Variants in KCNG2 observed in about 807,000 individuals in gnomAD.
KCNG2 encodes the protein potassium voltage-gated channel modifier subfamily G member 2, also known as voltage-gated potassium channel regulatory subunit KCNG2.
A neutral mutation model predicts 12.3 loss-of-function variants in KCNG2; 7 were observed. The ratio of observed to expected loss-of-function variants is 0.57; its 90% CI spans 0.32 to 1.07. KCNG2 has a LOEUF of 1.07. Among genes scored for constraint, KCNG2 ranks in the 50% least tolerant of loss-of-function variants. KCNG2 has a pLI of 0.04. For missense variants in KCNG2, 703 were observed against 726.0 expected, an observed-to-expected ratio of 0.97 and a Z score of 0.36; for synonymous variants, 414 against 351.4, an observed-to-expected ratio of 1.18 and a Z score of -1.99.
At chr18:79,872,288 T>TTTTTTTG (rs1568265471) in intron 3 of KCNG2, among the ~76,000 whole-genome samples, 6 of 70,318 alleles carry the variant, frequency 8.5e-5, no homozygotes, top group East Asian at 5.8e-4. Flanking sequence ...CAGTTTTTTT[T>TTTTTTTG]TTTTTTTTTT....
At chr18:79,861,897 C>T (rs544366773) in intron 2 of KCNG2, among the ~76,000 whole-genome samples, 1 of 152,320 alleles carries the variant, frequency 6.6e-6, no homozygotes, top group East Asian at 1.9e-4. Context: ...ATTTCTTCAG[C>T]GTGTTCATAG....
At chr18:79,806,945 C>T (rs897224745) in intron 1 of KCNG2, among the ~76,000 whole-genome samples, 2 of 152,166 alleles carry the variant, frequency 1.3e-5, no homozygotes, top group Non-Finnish European at 1.5e-5. Flanking sequence ...ACTCATGGAT[C>T]TAGGGTCTGT....
chr18:79,837,373 G>C (rs1978340012), intron 1 of KCNG2, among the ~76,000 whole-genome samples: 1 of 152,180 alleles, frequency 6.6e-6, no homozygotes, highest in South Asian at 2.1e-4. Flanking sequence ...GCTTTTCCAG[G>C]CAGATGGTGC....
At chr18:79,829,099 CGTGT>C (rs1005017816) in intron 1 of KCNG2, among the ~76,000 whole-genome samples, 2 of 97,442 alleles carry the variant, frequency 2.1e-5, no homozygotes, top group Non-Finnish European at 4.0e-5. Context: ...TCTATGTGTG[CGTGT>C]GTGTAACATG....
At chr18:79,830,782 C>A (rs564122) in intron 1 of KCNG2, among the ~76,000 whole-genome samples, 2 of 101,600 alleles carry the variant, frequency 2.0e-5, no homozygotes, top group Admixed American at 9.5e-5. Flanking sequence ...GGAGGGTTCC[C>A]TGCGGACAGA....
chr18:79,874,143 C>T (rs1270446848), intron 3 of KCNG2, among the ~76,000 whole-genome samples: 3 of 152,250 alleles, frequency 2.0e-5, no homozygotes, highest in African/African-American at 7.2e-5. Context: ...TCCCGCCTTT[C>T]CCCATCACAG....
intron 3 of KCNG2, among the ~76,000 whole-genome samples, chr18:79,889,942 G>A (rs138368462): frequency 6.6e-6 from 1 of 152,270 alleles, no homozygotes; most frequent in African/African-American, 2.4e-5. Context: ...GTTGTATTTT[G>A]TCAAAAGCTT....
At chr18:79,883,996 G>A (rs895405029) in intron 3 of KCNG2, among the ~76,000 whole-genome samples, 1 of 107,602 alleles carries the variant, frequency 9.3e-6, no homozygotes, top group African/African-American at 3.6e-5. Context: ...ACCGTCCCCC[G>A]CCCCCGTCTA....
At position 79,884,930 on chromosome 18, in the gene KCNG2, C is replaced by G. The variant is rs1229127121; in HGVS notation, c.625-14110C>G. On this transcript the variant is annotated intron_variant, in intron 3 of 3. Coordinates refer to ENST00000316249, the MANE Select transcript of KCNG2 (RefSeq NM_012283.2). The surrounding 1 kb of genome is among the most constrained non-coding windows in gnomAD (Gnocchi z 5.5). ...CTGTGATAATGAGAGCGTCCTGACA[C>G]CAGGGCTGGGAAGCCCACACTGATC... 1.3e-5 allele frequency among the ~76,000 whole-genome samples: 2 copies of G among 152,126 alleles called. No homozygotes were observed. The highest frequency in any genetic ancestry group is 2.4e-5 in the African/African-American group (1 of 41,420).
chr18:79,892,112 C>CT (rs1980762722), intron 3 of KCNG2, among the ~76,000 whole-genome samples: 3 of 97,062 alleles, frequency 3.1e-5, no homozygotes, highest in African/African-American at 8.9e-5. Flanking sequence ...AAGACTCCGT[C>CT]TAAAAAAAAA....
chr18:79,863,527 C>T (rs1051154530), intron 2 of KCNG2, 101 bp from the exon 3 acceptor site: 42 of 969,392 alleles, frequency 4.3e-5, no homozygotes, highest in Middle Eastern at 8.5e-4. Context: ...CCGAGCTCAC[C>T]TCCGAGGGTT....
chr18:79,801,633 T>G (rs2087410517), intron 1 of KCNG2, among the ~76,000 whole-genome samples: 1 of 152,256 alleles, frequency 6.6e-6, no homozygotes, highest in East Asian at 1.9e-4. Flanking sequence ...GCACATGAAA[T>G]CAAAGGCTAG....
At chr18:79,846,182 C>T (rs920952544) in intron 1 of KCNG2, among the ~76,000 whole-genome samples, 2 of 150,812 alleles carry the variant, frequency 1.3e-5, no homozygotes, top group South Asian at 2.1e-4. Context: ...ACCATCCTGG[C>T]GAACATGGTG....
At chr18:79,805,005 A>G (rs150756292) in intron 1 of KCNG2, among the ~76,000 whole-genome samples, 46 of 152,318 alleles carry the variant, frequency 3.0e-4, no homozygotes, top group African/African-American at 1.1e-3. Flanking sequence ...GTTATTTCAC[A>G]TCATATTATA....
intron 1 of KCNG2, among the ~76,000 whole-genome samples, chr18:79,841,272 G>A (rs1320820637): frequency 1.3e-5 from 2 of 152,076 alleles, no homozygotes; most frequent in South Asian, 2.1e-4. Context: ...TGTTGCCTGG[G>A]TGACAGAGCA....
At chr18:79,877,793 G>T (rs1384703276) in intron 3 of KCNG2, among the ~76,000 whole-genome samples, 1 of 152,230 alleles carries the variant, frequency 6.6e-6, no homozygotes, top group African/African-American at 2.4e-5. Context: ...ATAAAAGGTT[G>T]ATGCCAGGGC....
intron 3 of KCNG2, among the ~76,000 whole-genome samples, chr18:79,883,745 C>T (rs971618684): frequency 1.3e-5 from 2 of 152,250 alleles, no homozygotes; most frequent in African/African-American, 2.4e-5. Flanking sequence ...TAGAAGCCAG[C>T]TGTTCCACTT....
At chr18:79,845,408 A>C (rs1010924886) in intron 1 of KCNG2, among the ~76,000 whole-genome samples, 3 of 152,190 alleles carry the variant, frequency 2.0e-5, no homozygotes, top group African/African-American at 7.2e-5. Context: ...ACCACGGGGA[A>C]AACTGAGTAA....
Position 79,865,746 on chromosome 18 carries a change from T to TGA in KCNG2, c.624+1457_624+1458dup, listed in dbSNP as rs201621748. ...GGTCTGTGTTCTGAGGTCTGGGTGC[T>TGA]GAGGTCTGGGTGCTGAGAGGTCTGT... On this transcript the variant is annotated intron_variant, in intron 3 of 3. Coordinates refer to ENST00000316249, the MANE Select transcript of KCNG2 (RefSeq NM_012283.2). Among the ~76,000 whole-genome samples, 428 of 105,450 alleles carry TGA rather than the reference T, an allele frequency of 4.1e-3. 13 individuals are homozygous for TGA. The highest frequency in any genetic ancestry group is 7.7e-3 in the Middle Eastern group (1 of 130). 69.2% of individuals were successfully genotyped at this position (105,450 alleles called of 152,430 possible).
Sources: allele counts gnomAD v4.1 joint callset (sites outside exome capture counted in the v4.1 genomes callset), GRCh38; gene constraint gnomAD v4.1.1; non-coding constraint Gnocchi (gnomAD v3.1); transcripts MANE v1.5; gene names NCBI Gene and HGNC (gene_info 2026-07-23, HGNC 2026-07-21).